Variants in ASTN2 observed in about 807,000 individuals in gnomAD.
ASTN2 encodes astrotactin-2.
Under a neutral mutation model 139.8 loss-of-function variants are expected in ASTN2, and 54 were observed. The ratio of observed to expected loss-of-function variants is 0.39; its 90% CI spans 0.31 to 0.48. The LOEUF (loss-of-function observed/expected upper bound fraction) is 0.48. Among genes scored for constraint, ASTN2 ranks in the 20% least tolerant of loss-of-function variants. ASTN2 has a pLI of 0.95. For missense variants in ASTN2, 1,565 were observed against 1,725.1 expected, an observed-to-expected ratio of 0.91 and a Z score of 1.64; for synonymous variants, 756 against 719.5, an observed-to-expected ratio of 1.05 and a Z score of -0.81.
At chr9:116,871,444 G>A (rs1159899137) in intron 10 of ASTN2, among the ~76,000 whole-genome samples, 1 of 152,114 alleles carries the variant, frequency 6.6e-6, no homozygotes, top group East Asian at 1.9e-4. Flanking sequence ...GAGAAACCCT[G>A]CCTCTATCAT....
intron 10 of ASTN2, among the ~76,000 whole-genome samples, chr9:116,944,618 G>A (rs1219074831): frequency 6.8e-6 from 1 of 147,250 alleles, no homozygotes; most frequent in Non-Finnish European, 1.5e-5. Context: ...GGGGACGGAT[G>A]CTGCAGTGAG....
rs1035892685 is a variant in ASTN2, at chr9:116,750,912, T to C, written c.2397-17389A>G. ...ATACAAATCCAATTAATGAACAGAA[T>C]TTTTGTTCTTTTCAAAATTTGACAT... On this transcript the variant is annotated intron_variant, in intron 13 of 22. Coordinates refer to ENST00000313400, the MANE Select transcript of ASTN2 (RefSeq NM_001365068.1). Among the ~76,000 whole-genome samples, 6 of 152,330 alleles carry C rather than the reference T, an allele frequency of 3.9e-5. No homozygotes were observed. The East Asian group carries it at 7.7e-4, about 20-fold the overall frequency.
At chr9:116,823,262 TCA>T (rs1392351565) in intron 11 of ASTN2, among the ~76,000 whole-genome samples, 1 of 152,256 alleles carries the variant, frequency 6.6e-6, no homozygotes, top group African/African-American at 2.4e-5. Context: ...GAGGAGAGGG[TCA>T]CACAGTTTGG....
At chr9:116,426,795 A>AT (rs1847321952) in intron 22 of ASTN2, among the ~76,000 whole-genome samples, 1 of 151,766 alleles carries the variant, frequency 6.6e-6, no homozygotes, top group Non-Finnish European at 1.5e-5. Context: ...TCTGTGTCTC[A>AT]TTTTTTCCCA....
chr9:116,817,179 G>A (rs376869702), intron 12 of ASTN2, among the ~76,000 whole-genome samples: 3 of 151,648 alleles, frequency 2.0e-5, no homozygotes, highest in East Asian at 1.9e-4. Flanking sequence ...CTATAGTCCC[G>A]GGTACTAGGG....
intron 16 of ASTN2, chr9:116,686,942 G>A: frequency 6.7e-7 from 1 of 1,481,956 alleles, no homozygotes; most frequent in African/African-American, 1.4e-5. Flanking sequence ...TTTCTCAGAT[G>A]GAAAAACAGA....
chr9:116,672,806 CT>C (rs1336212636), intron 16 of ASTN2, among the ~76,000 whole-genome samples: 5 of 152,192 alleles, frequency 3.3e-5, no homozygotes, highest in African/African-American at 9.7e-5. Flanking sequence ...ACCCTTCCAA[CT>C]GGGTGGTGTT....
chr9:117,014,225 C>CTT (rs1837613076), intron 6 of ASTN2, among the ~76,000 whole-genome samples: 1 of 152,152 alleles, frequency 6.6e-6, no homozygotes, highest in East Asian at 1.9e-4. Flanking sequence ...GAATGTATCA[C>CTT]TTTTACCCTT....
chr9:116,521,738 C>T (rs150696283), intron 19 of ASTN2, among the ~76,000 whole-genome samples: 10 of 152,112 alleles, frequency 6.6e-5, no homozygotes, highest in East Asian at 1.9e-4. Flanking sequence ...GGGAGAAAAT[C>T]GTCACAATCC....
chr9:116,739,675 T>C (rs1396798757), intron 13 of ASTN2, among the ~76,000 whole-genome samples: 2 of 152,246 alleles, frequency 1.3e-5, no homozygotes, highest in African/African-American at 2.4e-5. Context: ...ATGGAAGACC[T>C]TGTTGGACAC....
chr9:117,370,859 G>A (rs1171034327), intron 1 of ASTN2, among the ~76,000 whole-genome samples: 1 of 152,044 alleles, frequency 6.6e-6, no homozygotes, highest in East Asian at 1.9e-4. Context: ...ACAGGCATGA[G>A]CCACAACTCC....
rs561181017 is a variant in ASTN2, at chr9:116,694,816, C to T, written c.2806+30955G>A. 3.3e-5 allele frequency among the ~76,000 whole-genome samples: 5 copies of T among 152,094 alleles called. No individual in the cohort carries two copies. The East Asian group carries it at 9.7e-4, about 29-fold the overall frequency. ...GTATGTCTATGCTATTGCCCCTAGACACTTGGCATTTAAGAATTTACCATT... is the reference window on the plus strand; with the variant it reads ...GTATGTCTATGCTATTGCCCCTAGATACTTGGCATTTAAGAATTTACCATT... On this transcript the variant is annotated intron_variant, in intron 16 of 22. Transcript: ENST00000313400.
intron 19 of ASTN2, among the ~76,000 whole-genome samples, chr9:116,594,260 A>T (rs1417017792): frequency 6.6e-6 from 1 of 152,148 alleles, no homozygotes; most frequent in South Asian, 2.1e-4. Context: ...ATGATCCTTC[A>T]TAACTGTTTC....
intron 1 of ASTN2, among the ~76,000 whole-genome samples, chr9:117,346,436 A>G (rs1277276656): frequency 6.6e-6 from 1 of 152,168 alleles, no homozygotes; most frequent in Non-Finnish European, 1.5e-5. Context: ...GAACTTGACC[A>G]TGCATTTAGA....
At chr9:117,178,712 A>G (rs1830979644) in intron 3 of ASTN2, among the ~76,000 whole-genome samples, 1 of 152,210 alleles carries the variant, frequency 6.6e-6, no homozygotes, top group Non-Finnish European at 1.5e-5. Flanking sequence ...CCAATTAGCA[A>G]GGGCACAGAG....
intron 7 of ASTN2, among the ~76,000 whole-genome samples, chr9:117,006,456 T>C (rs1472615588): frequency 6.6e-6 from 1 of 152,168 alleles, no homozygotes; most frequent in Non-Finnish European, 1.5e-5. Context: ...TAAATTCTGT[T>C]GAGGGTATAC....
intron 1 of ASTN2, among the ~76,000 whole-genome samples, chr9:117,339,050 CTGCTG>C (rs1033707603): frequency 6.6e-6 from 1 of 152,064 alleles, no homozygotes; most frequent in African/African-American, 2.4e-5. Flanking sequence ...GCTGCTTGAG[CTGCTG>C]TTTGATCCCA....
In ASTN2 at chr9:116,893,153, G is replaced by T. The variant is rs544789132; in HGVS notation, c.1890-29420C>A. 2.0e-4 allele frequency among the ~76,000 whole-genome samples: 24 copies of T among 119,792 alleles called. No individual in the cohort carries two copies. In the South Asian group the frequency reaches 6.3e-3, roughly 31 times the overall value. 78.6% of individuals were successfully genotyped at this position (119,792 alleles called of 152,430 possible). A position where few individuals can be genotyped will look rare whatever the true frequency, so the allele number is the denominator to read the frequency against. Reference sequence around the variant, plus strand: ...TGAAGTGTTGCCAAAATCTACTAAAGGTGTATCACACACACACACACACAC... The same window carrying T: ...TGAAGTGTTGCCAAAATCTACTAAATGTGTATCACACACACACACACACAC... On this transcript the variant is annotated intron_variant, in intron 10 of 22. Transcript: ENST00000313400.
intron 16 of ASTN2, among the ~76,000 whole-genome samples, chr9:116,660,050 T>C (rs1858461696): frequency 6.6e-6 from 1 of 152,156 alleles, no homozygotes; most frequent in African/African-American, 2.4e-5. Flanking sequence ...ATTAACTAAC[T>C]AGGTAGATGA....
Sources: gnomAD v4.1 joint callset for allele counts (sites outside exome capture counted in the v4.1 genomes callset) on GRCh38, gnomAD v4.1.1 for gene constraint, MANE v1.5 for transcripts, NCBI Gene and HGNC (gene_info 2026-07-23, HGNC 2026-07-21) for gene names.